ABHD12: variants seen among roughly 807,000 people sequenced by gnomAD.
ABHD12 encodes the protein abhydrolase domain containing 12, lysophospholipase.
Under a neutral mutation model 58.3 loss-of-function variants are expected in ABHD12, and 43 were observed. The ratio of observed to expected loss-of-function variants is 0.74; its 90% CI spans 0.58 to 0.95. The LOEUF (loss-of-function observed/expected upper bound fraction) is 0.95. Among genes scored for constraint, ABHD12 ranks in the 40% least tolerant of loss-of-function variants. The pLI is 0.00. For missense variants in ABHD12, 539 were observed against 537.2 expected, an observed-to-expected ratio of 1.00 and a Z score of -0.03; for synonymous variants, 219 against 211.2, an observed-to-expected ratio of 1.04 and a Z score of -0.32.
At chr20:25,331,061 T>A (rs942801196) in intron 2 of ABHD12, among the ~76,000 whole-genome samples, 2 of 152,068 alleles carry the variant, frequency 1.3e-5, no homozygotes, top group African/African-American at 4.8e-5. Flanking sequence ...AGTTGAAAAC[T>A]TGGAAAAAAA....
At chr20:25,312,353 A>AT (rs1050704330) in intron 6 of ABHD12, among the ~76,000 whole-genome samples, 2 of 151,568 alleles carry the variant, frequency 1.3e-5, no homozygotes, top group African/African-American at 4.8e-5. Context: ...TGGTTTTCGT[A>AT]TTTTTTTGGT....
At chr20:25,362,157 G>A (rs1262772699) in intron 1 of ABHD12, among the ~76,000 whole-genome samples, 2 of 150,444 alleles carry the variant, frequency 1.3e-5, no homozygotes, top group Non-Finnish European at 3.0e-5. Context: ...GCACATGCCT[G>A]TAATTCCAGC....
chr20:25,344,839 C>T (rs1380565842), intron 1 of ABHD12, among the ~76,000 whole-genome samples: 6 of 152,154 alleles, frequency 3.9e-5, no homozygotes, highest in Admixed American at 1.3e-4. Flanking sequence ...AATAGACCCA[C>T]ATAACTATAG....
rs1051704830 is a variant in ABHD12, at chr20:25,390,739, G to T, written c.-36C>A. On this transcript the variant is annotated 5_prime_UTR_variant, in exon 1 of 13. Transcript: ENST00000339157. The stretch of plus-strand genomic sequence containing the variant: ...ACAGGGCCAGCCGCCGACGGCGCCC[G>T]CTGGCCTGCGCCGCAGTGCCGCCGC... The T allele has an allele frequency of 4.7e-6, 4 of 847,522 alleles. No individual in the cohort carries two copies. The highest frequency in any genetic ancestry group is 3.1e-5 in the South Asian group (1 of 32,198). 52.5% of individuals were successfully genotyped at this position (847,522 alleles called of 1,614,324 possible).
chr20:25,389,593 G>A (rs2090141613), intron 1 of ABHD12, among the ~76,000 whole-genome samples: 1 of 152,192 alleles, frequency 6.6e-6, no homozygotes, highest in South Asian at 2.1e-4. Context: ...GAAACCAGCA[G>A]ATGGGAGGAG....
chr20:25,380,292 G>A (rs777111148), intron 1 of ABHD12, among the ~76,000 whole-genome samples: 8 of 151,498 alleles, frequency 5.3e-5, no homozygotes, highest in Non-Finnish European at 8.8e-5. Context: ...ATGGAGTTTC[G>A]CTCTTGTTGC....
At chr20:25,323,214 G>A (rs953166098) in intron 3 of ABHD12, 111 bp downstream of exon 3, 1 of 773,210 alleles carries the variant, frequency 1.3e-6, no homozygotes, top group Non-Finnish European at 2.4e-6. Context: ...AGGAAGAGGT[G>A]AAGATAAAAA....
At chr20:25,314,841 G>T in intron 6 of ABHD12, 84 bp downstream of exon 6, 1 of 1,481,710 alleles carries the variant, frequency 6.7e-7, no homozygotes, top group Non-Finnish European at 9.4e-7. Context: ...CTTGCTCCGA[G>T]CCTCTTCGAG....
At chr20:25,387,359 G>C (rs975361425) in intron 1 of ABHD12, among the ~76,000 whole-genome samples, 3 of 151,882 alleles carry the variant, frequency 2.0e-5, no homozygotes, top group Admixed American at 2.0e-4. Flanking sequence ...TCACGAGTTG[G>C]AGACCAGTCT....
At chr20:25,317,001 T>C in intron 5 of ABHD12, 47 bp downstream of exon 5, 1 of 1,594,622 alleles carries the variant, frequency 6.3e-7, no homozygotes, top group Non-Finnish European at 8.6e-7. Context: ...CTTCCTGCCC[T>C]GGAAAGAACA....
downstream of ABHD12, among the ~76,000 whole-genome samples, chr20:25,298,949 C>CT (rs1165535842): frequency 6.6e-6 from 1 of 152,168 alleles, no homozygotes; most frequent in Non-Finnish European, 1.5e-5. Context: ...CTCCCCAGGT[C>CT]TGTGGGGTGC....
chr20:25,390,094 G>C (rs1423989744), intron 1 of ABHD12: 1 of 156,880 alleles, frequency 6.4e-6, no homozygotes, highest in Non-Finnish European at 1.4e-5. Flanking sequence ...TCTGCCTCCC[G>C]CCTCTGCTGT....
At chr20:25,328,412 C>A (rs1257663774) in intron 2 of ABHD12, among the ~76,000 whole-genome samples, 1 of 152,210 alleles carries the variant, frequency 6.6e-6, no homozygotes, top group Non-Finnish European at 1.5e-5. Flanking sequence ...GCCCATCCCA[C>A]ATCTAGACCC....
chr20:25,332,521 C>A lies in ABHD12; in HGVS notation c.316+6706G>T, dbSNP rs930958168. Among the ~76,000 whole-genome samples, 76 of 151,800 alleles carry A rather than the reference C, an allele frequency of 5.0e-4. No individual in the cohort carries two copies. In the East Asian group the frequency reaches 0.012, roughly 25 times the overall value. On this transcript the variant is annotated intron_variant, in intron 2 of 12. Transcript: ENST00000339157. ...AATATACATTTTTTTCAGCACCACA[C>A]CACACCTATTCCAAAATTGACCACA...
intron 1 of ABHD12, among the ~76,000 whole-genome samples, chr20:25,351,677 G>A (rs890065824): frequency 3.3e-5 from 5 of 152,208 alleles, no homozygotes; most frequent in Non-Finnish European, 5.9e-5. Flanking sequence ...CACTTTGGGA[G>A]GCCAGGCGGG....
intron 1 of ABHD12, among the ~76,000 whole-genome samples, chr20:25,366,610 T>G (rs1258520394): frequency 6.6e-6 from 1 of 152,226 alleles, no homozygotes; most frequent in African/African-American, 2.4e-5. Context: ...TGAGTTATAG[T>G]TAGAAAGCCC....
intron 1 of ABHD12, among the ~76,000 whole-genome samples, chr20:25,354,929 T>C (rs1247467112): frequency 6.6e-6 from 1 of 152,174 alleles, no homozygotes; most frequent in African/African-American, 2.4e-5. Context: ...TTCCTATCTC[T>C]TTCTTCTCTT....
At chr20:25,296,687 A>G (rs199568690), downstream of ABHD12, 202 of 919,640 alleles carry the variant, frequency 2.2e-4, no homozygotes, top group Non-Finnish European at 3.0e-4. Flanking sequence ...AGAGCAGGGT[A>G]AGGAAGGAAT....
At chr20:25,328,108 A>G (rs2089207106) in intron 2 of ABHD12, among the ~76,000 whole-genome samples, 1 of 152,068 alleles carries the variant, frequency 6.6e-6, no homozygotes, top group African/African-American at 2.4e-5. Flanking sequence ...CTCCTGGAAA[A>G]AAAAAAAAAA....
Sources: gnomAD v4.1 joint callset for allele counts (sites outside exome capture counted in the v4.1 genomes callset) on GRCh38, gnomAD v4.1.1 for gene constraint, MANE v1.5 for transcripts, NCBI Gene and HGNC (gene_info 2026-07-23, HGNC 2026-07-21) for gene names.